Variants in RIMS2 observed in about 807,000 individuals in gnomAD.
RIMS2 encodes regulating synaptic membrane exocytosis 2.
RIMS2 carries 59 observed loss-of-function variants against 174.4 expected under a neutral mutation model. That is an observed-to-expected ratio of 0.34 (90% CI 0.27 to 0.42). RIMS2 has a LOEUF of 0.42. Among genes scored for constraint, RIMS2 ranks in the 10% least tolerant of loss-of-function variants. The probability of loss-of-function intolerance (pLI) is 1.00; values close to 1 mark genes in which losing one functional copy is unlikely to be tolerated. For synonymous variants in RIMS2, 606 were observed against 572.5 expected, an observed-to-expected ratio of 1.06 and a Z score of -0.84; for missense variants, 1,620 against 1,666.3, an observed-to-expected ratio of 0.97 and a Z score of 0.48.
chr8:103,861,017 TA>T (rs1016304405), intron 3 of RIMS2, among the ~76,000 whole-genome samples: 3 of 152,132 alleles, frequency 2.0e-5, no homozygotes, highest in Non-Finnish European at 4.4e-5. Flanking sequence ...GAATTACATA[TA>T]CAGGTTTGTT....
At chr8:104,062,006 T>G (rs979374520) in intron 19 of RIMS2, among the ~76,000 whole-genome samples, 11 of 152,138 alleles carry the variant, frequency 7.2e-5, no homozygotes, top group Non-Finnish European at 1.0e-4. Context: ...ATCAAAATGA[T>G]CAAAAATATG....
At chr8:103,764,185 A>T (rs1233048632) in intron 2 of RIMS2, among the ~76,000 whole-genome samples, 1 of 152,224 alleles carries the variant, frequency 6.6e-6, no homozygotes, top group African/African-American at 2.4e-5. Context: ...AACTGTTACA[A>T]AGCAGCAAAT....
chr8:103,694,401 T>C (rs985797303), intron 1 of RIMS2, among the ~76,000 whole-genome samples: 1 of 151,812 alleles, frequency 6.6e-6, no homozygotes, highest in Non-Finnish European at 1.5e-5. Context: ...GCTGGGTCTT[T>C]GTGTGATGGC....
intron 19 of RIMS2, among the ~76,000 whole-genome samples, chr8:104,151,677 G>A (rs1180668717): frequency 6.6e-6 from 1 of 152,172 alleles, no homozygotes; most frequent in African/African-American, 2.4e-5. Flanking sequence ...AAATTTCCAA[G>A]TGGAAATGTC....
At chr8:103,835,181 AC>A (rs2098870419) in intron 3 of RIMS2, among the ~76,000 whole-genome samples, 1 of 129,436 alleles carries the variant, frequency 7.7e-6, no homozygotes. Context: ...AGCTCACTGC[AC>A]CCTCCACCTC....
chr8:104,232,410 G>A (rs772554317), intron 19 of RIMS2, among the ~76,000 whole-genome samples: 9 of 152,218 alleles, frequency 5.9e-5, no homozygotes, highest in South Asian at 2.1e-4. Context: ...ACATGCATAT[G>A]CAACATGTTT....
At chr8:103,598,845 A>T (rs915233159) in intron 1 of RIMS2, among the ~76,000 whole-genome samples, 3 of 152,180 alleles carry the variant, frequency 2.0e-5, no homozygotes, top group African/African-American at 7.2e-5. Context: ...CTTTGCTGAC[A>T]GGTAGTTCTA....
At chr8:103,833,577 TTTAGA>T (rs1167338969) in intron 3 of RIMS2, among the ~76,000 whole-genome samples, 1 of 152,094 alleles carries the variant, frequency 6.6e-6, no homozygotes, top group African/African-American at 2.4e-5. Context: ...TTTTGTGTTC[TTTAGA>T]TTAATTTTAA....
Position 103,686,021 on chromosome 8 carries a change from G to A in RIMS2, c.177-11065G>A, listed in dbSNP as rs192827202. 1.6e-3 allele frequency among the ~76,000 whole-genome samples: 243 copies of A among 152,060 alleles called. 2 individuals carry two copies. The highest frequency in any genetic ancestry group is 5.2e-3 in the African/African-American group (216 of 41,518). ...CTTTTATCAGTGTTTTATAGTTTTC[G>A]CCATAGGAAGCTTGTTCATATCTTA... On this transcript the variant is annotated intron_variant, in intron 1 of 23. Transcript: ENST00000504942.
intron 19 of RIMS2, among the ~76,000 whole-genome samples, chr8:104,123,856 T>G (rs1461291907): frequency 6.6e-6 from 1 of 152,112 alleles, no homozygotes; most frequent in African/African-American, 2.4e-5. Context: ...AGAATAAAGT[T>G]AAATCAGCTA....
chr8:103,976,907 A>G (rs1170910923), intron 16 of RIMS2: 2 of 152,194 alleles, frequency 1.3e-5, no homozygotes. Context: ...GCTTACTGGA[A>G]ATCTCTGATC....
intron 3 of RIMS2, among the ~76,000 whole-genome samples, chr8:103,811,564 C>T (rs1450646456): frequency 4.6e-5 from 7 of 152,118 alleles, no homozygotes; most frequent in African/African-American, 1.7e-4. Flanking sequence ...CCTGCCTCAG[C>T]CTCCCGAGTA....
rs1306088764 is a variant in RIMS2, at chr8:103,989,301, T to G, written c.2928-4T>G. 5.2e-6 allele frequency: 8 copies of G among 1,544,080 alleles called. No individual in the cohort carries two copies. Among genetic ancestry groups the G allele is most frequent in the Non-Finnish European group, 7.2e-6 (8 of 1,117,114 alleles). On this transcript the variant is annotated splice_region_variant and splice_polypyrimidine_tract_variant and intron_variant, in intron 16 of 23. Transcript: ENST00000504942. ...AAGATATTGAATAGATCTTGTTGTT[T>G]TAGTCGGAATGTGGAACAGGGGCTT... is the stretch of plus-strand genomic sequence containing the variant.
chr8:103,645,343 T>C (rs1484417258), intron 1 of RIMS2, among the ~76,000 whole-genome samples: 3 of 152,130 alleles, frequency 2.0e-5, no homozygotes, highest in African/African-American at 7.2e-5. Flanking sequence ...ATAATTTTAT[T>C]GTTAATATAG....
chr8:104,188,473 T>C (rs976510316), intron 19 of RIMS2, among the ~76,000 whole-genome samples: 1 of 151,716 alleles, frequency 6.6e-6, no homozygotes, highest in Non-Finnish European at 1.5e-5. Context: ...GCTAGGCTTA[T>C]AGAATTTCCT....
intron 3 of RIMS2, among the ~76,000 whole-genome samples, chr8:103,805,950 C>T (rs1004190994): frequency 1.3e-5 from 2 of 152,026 alleles, no homozygotes. Flanking sequence ...GGCAAGACTA[C>T]AGTGTGTGGG....
At chr8:103,615,921 C>T (rs1218032358) in intron 1 of RIMS2, among the ~76,000 whole-genome samples, 1 of 152,158 alleles carries the variant, frequency 6.6e-6, no homozygotes, top group African/African-American at 2.4e-5. Flanking sequence ...GATGGATTCA[C>T]AGCCAAATTC....
chr8:103,630,329 A>G (rs1278291797), intron 1 of RIMS2, among the ~76,000 whole-genome samples: 1 of 152,104 alleles, frequency 6.6e-6, no homozygotes, highest in East Asian at 1.9e-4. Flanking sequence ...AAGTACTATA[A>G]ATTCAAAATC....
intron 2 of RIMS2, among the ~76,000 whole-genome samples, chr8:103,700,685 A>ATGTCATCT: frequency 6.6e-6 from 1 of 151,716 alleles, no homozygotes; most frequent in South Asian, 2.1e-4. Flanking sequence ...ATTTTGTCTT[A>ATGTCATCT]TGTCATCTGT....
Sources: gnomAD v4.1 joint callset for allele counts (sites outside exome capture counted in the v4.1 genomes callset) on GRCh38, gnomAD v4.1.1 for gene constraint, MANE v1.5 for transcripts, NCBI Gene and HGNC (gene_info 2026-07-23, HGNC 2026-07-21) for gene names.